Variants in LRP1B observed in about 807,000 individuals in gnomAD.
The protein encoded by LRP1B is LDL receptor related protein 1B.
A neutral mutation model predicts 556.6 loss-of-function variants in LRP1B; 217 were observed. The observed-to-expected ratio is 0.39, with a 90% CI of 0.35 to 0.44. The LOEUF is 0.44. Among genes scored for constraint, LRP1B ranks in the 20% least tolerant of loss-of-function variants. The pLI, the probability that LRP1B is intolerant of heterozygous loss-of-function variation, is 1.00. For synonymous variants in LRP1B, 2,047 were observed against 1,865.8 expected (o/e 1.10, Z -2.50); for missense variants, 5,053 against 5,620.8 (o/e 0.90, Z 3.23).
chr2:142,085,216 A>C (rs1705870462), intron 1 of LRP1B, among the ~76,000 whole-genome samples: 1 of 152,126 alleles, frequency 6.6e-6, no homozygotes, highest in East Asian at 1.9e-4. Context: ...TCTTGGAAAA[A>C]TCCACTTAAG....
At position 141,562,493 on chromosome 2, in the gene LRP1B, C is replaced by T. The variant is rs10181889; in HGVS notation, c.206-81960G>A. On this transcript the variant is annotated intron_variant, in intron 2 of 90. Coordinates refer to ENST00000389484, the MANE Select transcript of LRP1B (RefSeq NM_018557.3). ...TCATGATTCTGTTTTGCAGATTACTCACTAAACCTGATGTCTGCATTTGCA... is the reference window on the plus strand; with the variant it reads ...TCATGATTCTGTTTTGCAGATTACTTACTAAACCTGATGTCTGCATTTGCA... 4.6e-3 allele frequency among the ~76,000 whole-genome samples: 702 copies of T among 152,062 alleles called. 2 individuals carry two copies. The highest frequency in any genetic ancestry group is 0.016 in the African/African-American group (664 of 41,520).
rs1202674344 is a variant in LRP1B, at chr2:140,232,579, C to T, written c.*607G>A. 6.6e-6 allele frequency: 1 copy of T among 151,672 alleles called. No homozygotes were observed. The highest frequency in any genetic ancestry group is 1.5e-5 in the Non-Finnish European group (1 of 67,536). The allele number at this position is 151,672 out of a possible 1,614,324, so 9.4% of individuals were successfully genotyped here. On this transcript the variant is annotated 3_prime_UTR_variant, in exon 91 of 91. Coordinates refer to ENST00000389484, the MANE Select transcript of LRP1B (RefSeq NM_018557.3). ...GAAAATGTAGTCATCTGTGTTCATG[C>T]AAATTATTAATTTTACATATTTTTA...
Position 140,722,402 on chromosome 2 carries a change from T to C in LRP1B, c.5759-5586A>G, listed in dbSNP as rs141450167. ...TGATACCTTTAGTAGATAGGGTTTATTTTAATGCATTAATTATCTCAATGC... is the reference window on the plus strand; with the variant it reads ...TGATACCTTTAGTAGATAGGGTTTACTTTAATGCATTAATTATCTCAATGC... On this transcript the variant is annotated intron_variant, in intron 35 of 90. Transcript: ENST00000389484. 1.6e-4 allele frequency among the ~76,000 whole-genome samples: 24 copies of C among 152,336 alleles called. No individual in the cohort carries two copies. The East Asian group carries it at 4.4e-3, about 28-fold the overall frequency.
chr2:140,887,531 A>C (rs1369018001), intron 23 of LRP1B, among the ~76,000 whole-genome samples: 2 of 152,184 alleles, frequency 1.3e-5, no homozygotes, highest in East Asian at 3.9e-4. Context: ...TTATAGACTT[A>C]AATGTAAGAG....
At chr2:140,416,001 G>C (rs1265155680) in intron 66 of LRP1B, among the ~76,000 whole-genome samples, 2 of 152,140 alleles carry the variant, frequency 1.3e-5, no homozygotes, top group Non-Finnish European at 2.9e-5. Flanking sequence ...CTAGTGCAGG[G>C]GTCCCCAACC....
Position 140,313,011 on chromosome 2 carries a change from A to G in LRP1B, c.12805+1924T>C, listed in dbSNP as rs193210123. Among the ~76,000 whole-genome samples the G allele has an allele frequency of 4.7e-3, 716 of 152,086 alleles. 3 individuals are homozygous for G. The highest frequency in any genetic ancestry group is 7.7e-3 in the Non-Finnish European group (522 of 67,884). On this transcript the variant is annotated intron_variant, in intron 83 of 90. Transcript: ENST00000389484. ...AAGGCTTAACTGTAAGTAAACCAAC[A>G]ATGAATAAATCCATGAATTGCTCAC...
At chr2:141,240,754 C>G (rs897731089) in intron 5 of LRP1B, among the ~76,000 whole-genome samples, 2 of 151,978 alleles carry the variant, frequency 1.3e-5, no homozygotes, top group Non-Finnish European at 1.5e-5. Flanking sequence ...GACTGTCACA[C>G]CTAGAGCCCA....
At chr2:140,985,517 A>G (rs956196014) in intron 17 of LRP1B, among the ~76,000 whole-genome samples, 4 of 151,804 alleles carry the variant, frequency 2.6e-5, no homozygotes, top group Non-Finnish European at 5.9e-5. Context: ...ACGAGGAAAC[A>G]TAATTTCAAA....
intron 74 of LRP1B, among the ~76,000 whole-genome samples, chr2:140,357,525 A>C (rs1682282002): frequency 6.6e-6 from 1 of 151,580 alleles, no homozygotes; most frequent in African/African-American, 2.4e-5. Flanking sequence ...GCAGGTAATA[A>C]CTCAAGTATC....
rs914818685 is a variant in LRP1B, at chr2:140,534,119, C to G, written c.7664G>C (p.Gly2555Ala). The G allele has an allele frequency of 1.2e-6, 2 of 1,612,890 alleles. No individual in the cohort carries two copies. Among genetic ancestry groups the G allele is most frequent in the East Asian group, 2.2e-5 (1 of 44,832 alleles). Residue 2555 changes from glycine (G) to alanine (A), a missense_variant, in exon 47 of 91, where the codon GGC (glycine) becomes GCC (alanine). Coordinates refer to ENST00000389484, the MANE Select transcript of LRP1B (RefSeq NM_018557.3). ...LYCENRSCRR[G>A]FKPCYNRRCI... ...GCGGCGATTATAGCATGGCTTGAAG[C>G]CTCTTCGACAGCTTCTGTTTTCTTA...
chr2:141,877,584 A>G (rs1045613172), intron 1 of LRP1B, among the ~76,000 whole-genome samples: 17 of 152,148 alleles, frequency 1.1e-4, no homozygotes, highest in African/African-American at 3.6e-4. Flanking sequence ...TATGTGGAGC[A>G]TATCTACCAG....
intron 1 of LRP1B, among the ~76,000 whole-genome samples, chr2:141,956,986 T>C (rs1701271619): frequency 6.6e-6 from 1 of 152,056 alleles, no homozygotes; most frequent in Non-Finnish European, 1.5e-5. Flanking sequence ...TCCTGTCAGC[T>C]ACTTTTGATA....
At position 141,874,833 on chromosome 2, in the gene LRP1B, C is replaced by T. The variant is rs529252703; in HGVS notation, c.83-64432G>A. Among the ~76,000 whole-genome samples, 4 of 151,980 alleles carry T rather than the reference C, an allele frequency of 2.6e-5. No homozygotes were observed. In the East Asian group the frequency reaches 7.8e-4, roughly 29 times the overall value. On this transcript the variant is annotated intron_variant, in intron 1 of 90. Transcript: ENST00000389484. The stretch of plus-strand genomic sequence containing the variant: ...ACACTTTTAAGCTAATCTTCAGGAG[C>T]CTTATGGCCAATGGATTGTTTGAAA...
At chr2:142,015,178 T>A (rs1215245353) in intron 1 of LRP1B, among the ~76,000 whole-genome samples, 1 of 152,150 alleles carries the variant, frequency 6.6e-6, no homozygotes, top group Admixed American at 6.5e-5. Context: ...AAGGAAAACA[T>A]GATCTTTAAG....
chr2:140,245,015 G>C (rs999043369), intron 87 of LRP1B, among the ~76,000 whole-genome samples: 5 of 151,292 alleles, frequency 3.3e-5, no homozygotes, highest in Non-Finnish European at 5.9e-5. Context: ...CAAGTTTCTC[G>C]AAGCATAAAT....
rs554008190 is a variant in LRP1B at position 141,651,501 on chromosome 2, T to C, written c.205+158778A>G. ...CGACATGGTGAAACCCCATCTCTAC[T>C]AAAAATACAAAAATTGGCCAGGTGT... On this transcript the variant is annotated intron_variant, in intron 2 of 90. Coordinates refer to ENST00000389484, the MANE Select transcript of LRP1B (RefSeq NM_018557.3). Among the ~76,000 whole-genome samples, 34 of 152,130 alleles carry C rather than the reference T, an allele frequency of 2.2e-4. No individual in the cohort carries two copies. The Middle Eastern group carries it at 0.01, about 46-fold the overall frequency.
chr2:140,945,264 CAAT>C (rs1223905778), intron 20 of LRP1B, among the ~76,000 whole-genome samples: 10 of 152,040 alleles, frequency 6.6e-5, no homozygotes, highest in African/African-American at 2.4e-4. Context: ...TTGCAATAAT[CAAT>C]ATTATTAAAA....
At chr2:142,116,518 T>C (rs1275218709) in intron 1 of LRP1B, among the ~76,000 whole-genome samples, 2 of 152,238 alleles carry the variant, frequency 1.3e-5, no homozygotes, top group East Asian at 1.9e-4. Context: ...CATTGCATCC[T>C]GGATTGGATA....
intron 7 of LRP1B, among the ~76,000 whole-genome samples, chr2:141,161,181 TTTA>T (rs1331955345): frequency 2.0e-5 from 3 of 152,132 alleles, no homozygotes; most frequent in African/African-American, 7.2e-5. Flanking sequence ...CTCCATTACT[TTTA>T]TTTTCCAATT....
Sources: allele counts gnomAD v4.1 joint callset (sites outside exome capture counted in the v4.1 genomes callset), GRCh38; gene constraint gnomAD v4.1.1; transcripts MANE v1.5; gene names NCBI Gene and HGNC (gene_info 2026-07-23, HGNC 2026-07-21).